Variants in SGCD observed in about 807,000 individuals in gnomAD.
SGCD encodes the protein sarcoglycan delta.
In SGCD, 18 loss-of-function variants were observed where a neutral mutation model predicts 36.6. The ratio of observed to expected loss-of-function variants is 0.49; its 90% confidence interval spans 0.34 to 0.73. The LOEUF (loss-of-function observed/expected upper bound fraction) is 0.73, where lower values mean the gene tolerates loss of function less well. Ranked by LOEUF, SGCD falls within the 30% of genes least tolerant of loss-of-function variation. The pLI, the probability that SGCD is intolerant of heterozygous loss-of-function variation, is 0.01. For missense variants in SGCD, 387 were observed against 346.7 expected, an observed-to-expected ratio of 1.12 and a Z score of -0.92; for synonymous variants, 133 against 130.6, an observed-to-expected ratio of 1.02 and a Z score of -0.12.
intron 3 of SGCD, among the ~76,000 whole-genome samples, chr5:156,398,716 G>T (rs1287754189): frequency 6.6e-6 from 1 of 152,090 alleles, no homozygotes; most frequent in Non-Finnish European, 1.5e-5. Context: ...CCATAAAATT[G>T]CCTTACCTGT....
chr5:155,958,343 C>A (rs558127344), intron 1 of SGCD, among the ~76,000 whole-genome samples: 1 of 152,144 alleles, frequency 6.6e-6, no homozygotes, highest in South Asian at 2.1e-4. Flanking sequence ...ATTCTTATCT[C>A]CACTGGACAG....
chr5:155,857,952 T>C, the SGCD span, among the ~76,000 whole-genome samples: 1 of 152,202 alleles, frequency 6.6e-6, no homozygotes, highest in Admixed American at 6.5e-5. Flanking sequence ...GTGCTGTCTG[T>C]TCTTTGTTAT....
intron 1 of SGCD, among the ~76,000 whole-genome samples, chr5:155,873,039 C>T (rs952521575): frequency 1.3e-5 from 2 of 152,128 alleles, no homozygotes; most frequent in Non-Finnish European, 2.9e-5. Context: ...TTGTCATTAC[C>T]CTGGACAAAG....
chr5:155,794,191 T>G, the SGCD span, among the ~76,000 whole-genome samples: 1 of 152,132 alleles, frequency 6.6e-6, no homozygotes, highest in Non-Finnish European at 1.5e-5. Flanking sequence ...CAGATCAGTC[T>G]CTGGTAATCA....
chr5:156,572,996 T>C (rs1331874509), intron 4 of SGCD, among the ~76,000 whole-genome samples: 15 of 152,220 alleles, frequency 9.9e-5, no homozygotes. Flanking sequence ...TTAAGAAATG[T>C]ACATATTACC....
chr5:156,342,000 C>T (rs1768679634), intron 2 of SGCD, among the ~76,000 whole-genome samples: 1 of 152,200 alleles, frequency 6.6e-6, no homozygotes, highest in Admixed American at 6.5e-5. Context: ...GTGTGAGCCA[C>T]CATGCCCGGC....
At chr5:156,184,385 TC>T (rs1455755308) in intron 3 of SGCD, among the ~76,000 whole-genome samples, 4 of 151,476 alleles carry the variant, frequency 2.6e-5, no homozygotes, top group African/African-American at 9.7e-5. Flanking sequence ...TTTTTTTTTT[TC>T]ATTGTAAGCC....
chr5:156,556,120 G>GA (rs34927078), intron 4 of SGCD, among the ~76,000 whole-genome samples: 38,693 of 134,062 alleles, frequency 0.29, 5,242 homozygotes, highest in Non-Finnish European at 0.33. Context: ...ATACAGATAA[G>GA]AAAAAAAAAA....
intron 4 of SGCD, among the ~76,000 whole-genome samples, chr5:156,524,737 G>A (rs1757574638): frequency 6.6e-6 from 1 of 151,832 alleles, no homozygotes; most frequent in African/African-American, 2.4e-5. Flanking sequence ...TGAACATCTT[G>A]TTTCACCTAC....
chr5:156,676,376 A>C (rs1290933398), intron 7 of SGCD, among the ~76,000 whole-genome samples: 2 of 152,214 alleles, frequency 1.3e-5, no homozygotes, highest in African/African-American at 4.8e-5. Flanking sequence ...TATTTTTGGT[A>C]ATAACAGGTA....
At chr5:156,002,512 G>A (rs1758684695) in intron 1 of SGCD, among the ~76,000 whole-genome samples, 1 of 152,180 alleles carries the variant, frequency 6.6e-6, no homozygotes, top group South Asian at 2.1e-4. Context: ...TGAAGAGAGA[G>A]GCACCTCTTA....
intron 3 of SGCD, among the ~76,000 whole-genome samples, chr5:156,351,602 A>T (rs943174154): frequency 7.8e-5 from 9 of 114,928 alleles, no homozygotes; most frequent in Non-Finnish European, 1.2e-4. Flanking sequence ...CTATCGTCGT[A>T]GTCATCATCA....
At chr5:155,822,214 A>G in the SGCD span, among the ~76,000 whole-genome samples, 1 of 152,232 alleles carries the variant, frequency 6.6e-6, no homozygotes, top group Non-Finnish European at 1.5e-5. Flanking sequence ...AACACATATT[A>G]TCAAAATAAT....
chr5:156,476,465 A>G (rs913422717), intron 3 of SGCD, among the ~76,000 whole-genome samples: 2 of 152,254 alleles, frequency 1.3e-5, no homozygotes, highest in Non-Finnish European at 2.9e-5. Context: ...TGTAACAGCT[A>G]GAAAGACCAA....
At position 156,485,004 on chromosome 5, in the gene SGCD, C is replaced by A. The variant is rs75513371; in HGVS notation, c.193-23597C>A. ...AAATGAGGAATATCTGCCATATAAC[C>A]TTTGGAAACAAACTTTTTTTTTTTT... is the stretch of plus-strand genomic sequence containing the variant. On this transcript the variant is annotated intron_variant, in intron 3 of 8. Transcript: ENST00000337851. Among the ~76,000 whole-genome samples, 68 of 152,032 alleles carry A rather than the reference C, an allele frequency of 4.5e-4. 2 individuals carry two copies. In the East Asian group the frequency reaches 0.013, roughly 29 times the overall value.
chr5:156,093,434 C>T (rs182170454), intron 1 of SGCD, among the ~76,000 whole-genome samples: 1 of 152,298 alleles, frequency 6.6e-6, no homozygotes, highest in East Asian at 1.9e-4. Flanking sequence ...GTCTTGAATT[C>T]TTCAGATCAT....
chr5:155,737,703 C>G, the SGCD span, among the ~76,000 whole-genome samples: 1 of 148,936 alleles, frequency 6.7e-6, no homozygotes, highest in Non-Finnish European at 1.5e-5. Context: ...GACACCCACT[C>G]ATGCCTGCGA....
At chr5:156,540,542 C>T (rs1054637382) in intron 4 of SGCD, among the ~76,000 whole-genome samples, 3 of 152,112 alleles carry the variant, frequency 2.0e-5, no homozygotes, top group Non-Finnish European at 4.4e-5. Context: ...ACATTTAACA[C>T]CTGTTCCTCC....
chr5:156,606,513 T>A (rs1250069901), intron 6 of SGCD, among the ~76,000 whole-genome samples: 1 of 152,240 alleles, frequency 6.6e-6, no homozygotes, highest in Non-Finnish European at 1.5e-5. Context: ...AGCTTAGGAT[T>A]GACTTGGCAA....
Sources: allele counts gnomAD v4.1 joint callset (sites outside exome capture counted in the v4.1 genomes callset), GRCh38; gene constraint gnomAD v4.1.1; transcripts MANE v1.5; gene names NCBI Gene and HGNC (gene_info 2026-07-23, HGNC 2026-07-21).